Variants in STARD13 observed in about 807,000 individuals in gnomAD.
STARD13 encodes the protein StAR related lipid transfer domain containing 13, also known as stAR-related lipid transfer protein 13.
In STARD13, 62 loss-of-function variants were observed where a neutral mutation model predicts 106.4. That is an observed-to-expected ratio of 0.58 (90% CI 0.48 to 0.72). The LOEUF (loss-of-function observed/expected upper bound fraction) is 0.72, where lower values mean the gene tolerates loss of function less well. Among genes scored for constraint, STARD13 ranks in the 30% least tolerant of loss-of-function variants. The pLI is 0.00. For synonymous variants in STARD13, 565 were observed against 553.0 expected (o/e 1.02, Z -0.31); for missense variants, 1,387 against 1,424.0 (o/e 0.97, Z 0.42).
the STARD13 span, among the ~76,000 whole-genome samples, chr13:33,440,554 T>C: frequency 6.6e-6 from 1 of 151,770 alleles, no homozygotes; most frequent in Non-Finnish European, 1.5e-5. Context: ...ATTTTCTTGG[T>C]GGGCTCTCCT....
At chr13:33,247,703 T>C (rs1373150504) in intron 1 of STARD13, among the ~76,000 whole-genome samples, 2 of 152,238 alleles carry the variant, frequency 1.3e-5, no homozygotes, top group Admixed American at 1.3e-4. Context: ...TATATGTATA[T>C]GAATGGCCCT....
chr13:33,375,562 A>G, the STARD13 span, among the ~76,000 whole-genome samples: 1 of 152,170 alleles, frequency 6.6e-6, no homozygotes, highest in African/African-American at 2.4e-5. Context: ...GAAACTTAGA[A>G]TCATGGCAGA....
the STARD13 span, among the ~76,000 whole-genome samples, chr13:33,579,635 C>A: frequency 6.7e-6 from 1 of 148,448 alleles, no homozygotes; most frequent in African/African-American, 2.5e-5. Flanking sequence ...ATTGAAATAT[C>A]ATATATATAT....
At chr13:33,106,067 T>A (rs187752962) in intron 13 of STARD13, among the ~76,000 whole-genome samples, 7 of 152,216 alleles carry the variant, frequency 4.6e-5, no homozygotes, top group African/African-American at 1.4e-4. Flanking sequence ...AGGGGTTGGA[T>A]GTAAGTTACT....
chr13:33,133,254 A>G (rs1878576164), intron 4 of STARD13, among the ~76,000 whole-genome samples: 1 of 152,166 alleles, frequency 6.6e-6, no homozygotes, highest in East Asian at 1.9e-4. Flanking sequence ...CTGGGAAGGG[A>G]AAGCCTGGCC....
intron 3 of STARD13, among the ~76,000 whole-genome samples, chr13:33,162,814 T>C (rs1208637886): frequency 6.6e-6 from 1 of 152,094 alleles, no homozygotes; most frequent in Non-Finnish European, 1.5e-5. Flanking sequence ...TTTCCCACAT[T>C]TTCCTGTCTT....
intron 3 of STARD13, among the ~76,000 whole-genome samples, chr13:33,152,894 T>TA (rs34203691): frequency 6.6e-6 from 1 of 152,104 alleles, no homozygotes; most frequent in East Asian, 1.9e-4. Flanking sequence ...GAATGAGCAT[T>TA]AAAAAAAGGA....
At chr13:33,320,569 CAG>C (rs1166445273) in intron 1 of STARD13, among the ~76,000 whole-genome samples, 1 of 152,190 alleles carries the variant, frequency 6.6e-6, no homozygotes, top group Non-Finnish European at 1.5e-5. Context: ...CAGGTGTACT[CAG>C]ATGATTTTTT....
intron 1 of STARD13, among the ~76,000 whole-genome samples, chr13:33,339,443 G>C (rs2077934865): frequency 6.6e-6 from 1 of 152,220 alleles, no homozygotes; most frequent in African/African-American, 2.4e-5. Context: ...AAATATTTAT[G>C]TCACCATATG....
Position 33,142,425 on chromosome 13 carries a change from C to G in STARD13, c.324-52G>C, listed in dbSNP as rs751745224. ...TACTTTCACTAATGAATTTAAATCT[C>G]TCCAGTTTGATAATCCTCCTTTATT... On this transcript the variant is annotated intron_variant, in intron 3 of 13. Transcript: ENST00000336934. 3.3e-6 allele frequency: 5 copies of G among 1,495,514 alleles called. No homozygotes were observed. The African/African-American group carries it at 5.5e-5, about 16-fold the overall frequency. The allele number at this position is 1,495,514 out of a possible 1,614,324, so 92.6% of individuals were successfully genotyped here.
chr13:33,143,417 A>T (rs1343163297), intron 3 of STARD13, among the ~76,000 whole-genome samples: 1 of 152,184 alleles, frequency 6.6e-6, no homozygotes, highest in Admixed American at 6.5e-5. Context: ...CATTCAACAC[A>T]ACGTTTGTGA....
chr13:33,361,534 T>G, the STARD13 span, among the ~76,000 whole-genome samples: 1 of 152,148 alleles, frequency 6.6e-6, no homozygotes, highest in African/African-American at 2.4e-5. Context: ...TAGTCCATAC[T>G]CACACTGCTA....
the STARD13 span, among the ~76,000 whole-genome samples, chr13:33,507,317 C>A: frequency 6.6e-6 from 1 of 151,886 alleles, no homozygotes; most frequent in Admixed American, 6.6e-5. Flanking sequence ...CTCAATAATT[C>A]TTTTTGTTTT....
At chr13:33,411,332 T>C in the STARD13 span, among the ~76,000 whole-genome samples, 2 of 152,180 alleles carry the variant, frequency 1.3e-5, no homozygotes, top group Non-Finnish European at 2.9e-5. Flanking sequence ...CCATTTCCTT[T>C]CTTACTTGTC....
intron 3 of STARD13, among the ~76,000 whole-genome samples, chr13:33,163,611 TATATATATATATAA>T (rs1882922926): frequency 1.2e-5 from 1 of 85,006 alleles, no homozygotes; most frequent in African/African-American, 3.5e-5. Flanking sequence ...AAAAAATATA[TATATATATATATAA>T]AACATATATA....
At chr13:33,520,211 T>A in the STARD13 span, 1 of 152,134 alleles carries the variant, frequency 6.6e-6, no homozygotes, top group African/African-American at 2.4e-5. Context: ...TAAAAGTACT[T>A]CTTTAATAAT....
chr13:33,429,934 G>T, the STARD13 span, among the ~76,000 whole-genome samples: 14 of 149,842 alleles, frequency 9.3e-5, no homozygotes, highest in South Asian at 2.1e-4. Flanking sequence ...TTTTGGGGGG[G>T]GGGGACGGAG....
intron 1 of STARD13, among the ~76,000 whole-genome samples, chr13:33,217,521 G>A (rs1888112757): frequency 6.6e-6 from 1 of 152,240 alleles, no homozygotes; most frequent in African/African-American, 2.4e-5. Flanking sequence ...GACTGCACGT[G>A]TGGTGCAAGC....
intron 9 of STARD13, among the ~76,000 whole-genome samples, chr13:33,112,305 G>A (rs1874698208): frequency 6.6e-6 from 1 of 152,146 alleles, no homozygotes; most frequent in African/African-American, 2.4e-5. Flanking sequence ...TTCAATGCTA[G>A]CTCAATAATT....
Sources: allele counts gnomAD v4.1 joint callset (sites outside exome capture counted in the v4.1 genomes callset), GRCh38; gene constraint gnomAD v4.1.1; transcripts MANE v1.5; gene names NCBI Gene and HGNC (gene_info 2026-07-23, HGNC 2026-07-21).